HFM1: variants seen among roughly 807,000 people sequenced by gnomAD.
HFM1 encodes helicase for meiosis 1.
In HFM1, 169 loss-of-function variants were observed where a neutral mutation model predicts 192.1. The ratio of observed to expected loss-of-function variants is 0.88; its 90% CI spans 0.78 to 1.00. The LOEUF (loss-of-function observed/expected upper bound fraction) is 1.00. Among genes scored for constraint, HFM1 ranks in the 50% least tolerant of loss-of-function variants. HFM1 has a pLI of 0.00. For synonymous variants in HFM1, 525 were observed against 537.8 expected (o/e 0.98, Z 0.33); for missense variants, 1,661 against 1,668.0 (o/e 1.00, Z 0.07).
intron 13 of HFM1, among the ~76,000 whole-genome samples, chr1:91,359,370 A>C (rs1201702689): frequency 6.6e-6 from 1 of 152,194 alleles, no homozygotes; most frequent in Non-Finnish European, 1.5e-5. Context: ...AAAACAGTAC[A>C]GGAGCTGATA....
intron 19 of HFM1, among the ~76,000 whole-genome samples, chr1:91,344,561 G>C (rs1287398277): frequency 6.6e-6 from 1 of 151,956 alleles, no homozygotes; most frequent in Non-Finnish European, 1.5e-5. Flanking sequence ...CTTCTCTTTA[G>C]AACTTATATT....
upstream of HFM1, among the ~76,000 whole-genome samples, chr1:91,405,069 C>T (rs55841380): frequency 0.17 from 25,286 of 152,114 alleles, 2,778 homozygotes; most frequent in Non-Finnish European, 0.26. Flanking sequence ...CTTCTCTACC[C>T]CCACAACCAC....
intron 3 of HFM1, among the ~76,000 whole-genome samples, chr1:91,395,701 G>T (rs1331560547): frequency 6.6e-6 from 1 of 151,970 alleles, no homozygotes; most frequent in Non-Finnish European, 1.5e-5. Flanking sequence ...TACATAACGA[G>T]TATACATATT....
At chr1:91,390,957 A>T (rs1662908737) in intron 4 of HFM1, among the ~76,000 whole-genome samples, 1 of 152,230 alleles carries the variant, frequency 6.6e-6, no homozygotes, top group Non-Finnish European at 1.5e-5. Flanking sequence ...CCTGTACACC[A>T]ATAACAGACA....
chr1:91,357,645 G>T (rs926229661), intron 13 of HFM1, among the ~76,000 whole-genome samples: 1 of 152,084 alleles, frequency 6.6e-6, no homozygotes, highest in African/African-American at 2.4e-5. Flanking sequence ...ATTCAAATTT[G>T]AAAGGAAGAA....
intron 30 of HFM1, among the ~76,000 whole-genome samples, chr1:91,309,736 T>C (rs1177282554): frequency 6.6e-6 from 1 of 152,202 alleles, no homozygotes; most frequent in African/African-American, 2.4e-5. Context: ...ATAGAAGGCA[T>C]ATATAGATAA....
At chr1:91,322,669 C>T (rs1458004178) in intron 23 of HFM1, among the ~76,000 whole-genome samples, 2 of 152,156 alleles carry the variant, frequency 1.3e-5, no homozygotes, top group African/African-American at 2.4e-5. Context: ...ATGTACTACT[C>T]TCACTCAAGC....
intron 11 of HFM1, among the ~76,000 whole-genome samples, chr1:91,376,181 A>T (rs947222999): frequency 6.6e-6 from 1 of 152,018 alleles, no homozygotes; most frequent in Non-Finnish European, 1.5e-5. Context: ...ACAAGTTTTT[A>T]AGCAAACAAC....
chr1:91,289,729 C>T (rs1383772279), intron 30 of HFM1, among the ~76,000 whole-genome samples: 4 of 152,080 alleles, frequency 2.6e-5, no homozygotes, highest in African/African-American at 7.2e-5. Flanking sequence ...GGCGTGGCGG[C>T]GCGCGCCTGC....
chr1:91,394,203 A>G lies in HFM1; in HGVS notation c.384T>C (p.Tyr128=), dbSNP rs201701877. ...AGKLTYASQK[Y]KNHIGTEIAP... Reference sequence around the variant, plus strand: ...CTATCTCAGTGCCAATGTGATTTTTATATTTCTGAGAAGCATATGTCAGCT... The same window carrying G: ...CTATCTCAGTGCCAATGTGATTTTTGTATTTCTGAGAAGCATATGTCAGCT... The change falls in exon 4 of 39, where the codon TAT becomes TAC. Residue 128 remains tyrosine (Y), a synonymous_variant. Transcript: ENST00000370425. The G allele has an allele frequency of 4.4e-6, 7 of 1,603,294 alleles. No individual in the cohort carries two copies. Among genetic ancestry groups the G allele is most frequent in the African/African-American group, 4.0e-5 (3 of 74,824 alleles).
rs761490569 is a variant in HFM1 at position 91,274,837 on chromosome 1, C to T, written c.3589-28G>A. The T allele has an allele frequency of 2.5e-6, 3 of 1,189,824 alleles. No homozygotes were observed. The African/African-American group carries it at 4.5e-5, about 18-fold the overall frequency. 73.7% of individuals were successfully genotyped at this position (1,189,824 alleles called of 1,614,324 possible). On this transcript the variant is annotated intron_variant, in intron 32 of 38. Coordinates refer to ENST00000370425, the MANE Select transcript of HFM1 (RefSeq NM_001017975.6). ...ATTAATGAAACAAAAATAAGTTCAA[C>T]TATCAGTTTCACATCAATAACTTGT...
At chr1:91,373,553 G>A (rs1660519639) in intron 13 of HFM1, among the ~76,000 whole-genome samples, 2 of 151,946 alleles carry the variant, frequency 1.3e-5, no homozygotes, top group Non-Finnish European at 2.9e-5. Context: ...GGTAGGAGGT[G>A]AATGGATCAT....
intron 30 of HFM1, among the ~76,000 whole-genome samples, chr1:91,304,627 C>T (rs551769310): frequency 2.9e-4 from 34 of 116,850 alleles, no homozygotes; most frequent in East Asian, 1.0e-3. Flanking sequence ...TCACCACAGC[C>T]GGCTAATTTT....
chr1:91,327,149 A>T (rs2101434241), intron 20 of HFM1, among the ~76,000 whole-genome samples: 1 of 152,348 alleles, frequency 6.6e-6, no homozygotes, highest in African/African-American at 2.4e-5. Context: ...AACAAATAAC[A>T]AAATGGCAGG....
At chr1:91,282,989 G>C (rs1005122332) in intron 30 of HFM1, among the ~76,000 whole-genome samples, 1 of 152,182 alleles carries the variant, frequency 6.6e-6, no homozygotes, top group Non-Finnish European at 1.5e-5. Context: ...TCAAGGCAAA[G>C]TTGGCAAGTC....
chr1:91,290,623 T>C (rs895373491), intron 30 of HFM1, among the ~76,000 whole-genome samples: 2 of 152,072 alleles, frequency 1.3e-5, no homozygotes, highest in Admixed American at 1.3e-4. Context: ...CACCCCACTG[T>C]CAACATTACA....
At chr1:91,355,353 C>T (rs764200519) in intron 13 of HFM1, among the ~76,000 whole-genome samples, 27 of 151,798 alleles carry the variant, frequency 1.8e-4, no homozygotes, top group Non-Finnish European at 3.2e-4. Flanking sequence ...AGGAGTAAGT[C>T]CTTATCTATC....
chr1:91,353,175 GTTACTA>G, intron 14 of HFM1, 23 bp from the exon 15 acceptor site: 1 of 1,554,952 alleles, frequency 6.4e-7, no homozygotes, highest in Non-Finnish European at 8.9e-7. Flanking sequence ...TATATCAGCT[GTTACTA>G]TTAATATTTC....
chr1:91,277,137 T>C, intron 30 of HFM1, 75 bp from the exon 31 acceptor site: 1 of 752,624 alleles, frequency 1.3e-6, no homozygotes, highest in Non-Finnish European at 2.1e-6. Flanking sequence ...TTAATTTTTA[T>C]CCAGTTTCCT....
Sources: gnomAD v4.1 joint callset for allele counts (sites outside exome capture counted in the v4.1 genomes callset) on GRCh38, gnomAD v4.1.1 for gene constraint, MANE v1.5 for transcripts, NCBI Gene and HGNC (gene_info 2026-07-23, HGNC 2026-07-21) for gene names.